Variants in NAV1 observed in about 807,000 individuals in gnomAD.
NAV1 encodes neuron navigator 1.
Under a neutral mutation model 175.2 loss-of-function variants are expected in NAV1, and 18 were observed. The observed-to-expected ratio is 0.10, with a 90% CI of 0.07 to 0.15. The LOEUF (loss-of-function observed/expected upper bound fraction) is 0.15, where lower values mean the gene tolerates loss of function less well. Ranked by LOEUF, NAV1 falls within the 10% of genes least tolerant of loss-of-function variation. NAV1 has a pLI of 1.00. For synonymous variants in NAV1, 897 were observed against 978.7 expected (o/e 0.92, Z 1.56); for missense variants, 1,731 against 2,436.6 (o/e 0.71, Z 6.10).
chr1:201,572,081 GT>G (rs1358356657), intron 1 of NAV1, among the ~76,000 whole-genome samples: 1 of 152,180 alleles, frequency 6.6e-6, no homozygotes, highest in Non-Finnish European at 1.5e-5. Context: ...ATGAGAGAGT[GT>G]TTTACTCAGG....
chr1:201,704,238 C>G (rs1480337790), intron 1 of NAV1, among the ~76,000 whole-genome samples: 3 of 152,336 alleles, frequency 2.0e-5, no homozygotes, highest in Non-Finnish European at 4.4e-5. Context: ...GTGCAGAGTC[C>G]TGGGAGGAAA....
intron 1 of NAV1, among the ~76,000 whole-genome samples, chr1:201,549,101 TTCTTTC>T (rs1191937240): frequency 3.4e-5 from 5 of 147,840 alleles, no homozygotes; most frequent in Admixed American, 2.7e-4. Context: ...CTTTCTTTCT[TTCTTTC>T]TTTCTTTCTT....
At chr1:201,719,210 A>G (rs902982295) in intron 3 of NAV1, among the ~76,000 whole-genome samples, 2 of 151,828 alleles carry the variant, frequency 1.3e-5, no homozygotes, top group African/African-American at 4.8e-5. Flanking sequence ...CTACCTAAGA[A>G]GAGAAAATGA....
At chr1:201,590,308 T>G (rs1348450089) in intron 2 of NAV1, among the ~76,000 whole-genome samples, 1 of 152,220 alleles carries the variant, frequency 6.6e-6, no homozygotes, top group Non-Finnish European at 1.5e-5. Flanking sequence ...ACCAGGGCCC[T>G]CTGATCTCAG....
intron 2 of NAV1, among the ~76,000 whole-genome samples, chr1:201,599,696 C>T (rs1267750893): frequency 1.3e-5 from 2 of 152,158 alleles, no homozygotes; most frequent in Non-Finnish European, 2.9e-5. Context: ...GGCTTCCGAG[C>T]GCCTGCTCTG....
chr1:201,697,067 CCTT>C (rs1230778945), intron 1 of NAV1, among the ~76,000 whole-genome samples: 1 of 152,216 alleles, frequency 6.6e-6, no homozygotes, highest in Non-Finnish European at 1.5e-5. Context: ...GAATTCTCTG[CCTT>C]CTTAATTGGA....
intron 1 of NAV1, among the ~76,000 whole-genome samples, chr1:201,663,143 G>A (rs983699280): frequency 2.0e-5 from 3 of 152,180 alleles, no homozygotes; most frequent in Non-Finnish European, 4.4e-5. Flanking sequence ...CCCCTGGGGC[G>A]AAGGGGAACG....
chr1:201,589,713 A>C (rs2102210257), intron 2 of NAV1, among the ~76,000 whole-genome samples: 1 of 152,218 alleles, frequency 6.6e-6, no homozygotes, highest in Non-Finnish European at 1.5e-5. Flanking sequence ...GCTTATCTCG[A>C]ACTCCTGGGC....
intron 1 of NAV1, among the ~76,000 whole-genome samples, chr1:201,572,212 A>G (rs982405227): frequency 6.6e-6 from 1 of 152,120 alleles, no homozygotes; most frequent in Non-Finnish European, 1.5e-5. Flanking sequence ...TGTGACAAGC[A>G]TGGTGGGCTT....
At chr1:201,811,466 T>G (rs1391142934) in intron 24 of NAV1, 137 bp from the exon 29 acceptor site, 1 of 998,602 alleles carries the variant, frequency 1.0e-6, no homozygotes, top group Non-Finnish European at 1.5e-6. Context: ...TGTGGTAATC[T>G]GCTGTAATCA....
chr1:201,594,898 C>T (rs1311217340), intron 2 of NAV1, among the ~76,000 whole-genome samples: 1 of 152,228 alleles, frequency 6.6e-6, no homozygotes, highest in Non-Finnish European at 1.5e-5. Flanking sequence ...AAAGGGAGCA[C>T]TGAGCAGGGA....
At chr1:201,632,087 C>T (rs1480945224) in intron 2 of NAV1, among the ~76,000 whole-genome samples, 2 of 152,098 alleles carry the variant, frequency 1.3e-5, no homozygotes, top group Non-Finnish European at 2.9e-5. Context: ...TCTCTGTCTT[C>T]CAAGCTCACT....
chr1:201,583,279 C>T (rs1411313550), intron 1 of NAV1, among the ~76,000 whole-genome samples: 2 of 152,262 alleles, frequency 1.3e-5, no homozygotes, highest in Non-Finnish European at 1.5e-5. Context: ...GGAGAGGAGA[C>T]AGCAGGGGCA....
intron 1 of NAV1, among the ~76,000 whole-genome samples, chr1:201,575,100 A>G (rs975145088): frequency 1.3e-5 from 2 of 152,268 alleles, no homozygotes; most frequent in Non-Finnish European, 2.9e-5. Flanking sequence ...GTCCTGATGC[A>G]GAGTGGAATG....
Position 201,741,605 on chromosome 1 carries a change from A to G in NAV1, c.1226+22850A>G, listed in dbSNP as rs538440261. Among the ~76,000 whole-genome samples, 8 of 152,312 alleles carry G rather than the reference A, an allele frequency of 5.3e-5. No homozygotes were observed. In the East Asian group the frequency reaches 1.4e-3, roughly 26 times the overall value. ...ACATAGGGTGTGCCCAAGGAAAATTATAATTGCCACCCAAACAATATTTGC... is the reference window on the plus strand; with the variant it reads ...ACATAGGGTGTGCCCAAGGAAAATTGTAATTGCCACCCAAACAATATTTGC... On this transcript the variant is annotated intron_variant, in intron 3 of 29. Transcript: ENST00000367296.
At chr1:201,652,902 C>T (rs376543082) in intron 1 of NAV1, among the ~76,000 whole-genome samples, 1 of 152,166 alleles carries the variant, frequency 6.6e-6, no homozygotes, top group African/African-American at 2.4e-5. Context: ...ACGTACCGAA[C>T]GTCACAGCTC....
chr1:201,555,219 A>G (rs759966873), intron 1 of NAV1, among the ~76,000 whole-genome samples: 2 of 152,164 alleles, frequency 1.3e-5, no homozygotes, highest in Admixed American at 6.5e-5. Context: ...TTTTTTGGTG[A>G]CACAATTCAA....
upstream of NAV1, among the ~76,000 whole-genome samples, chr1:201,647,900 C>A (rs531621735): frequency 6.6e-6 from 1 of 152,272 alleles, no homozygotes; most frequent in Non-Finnish European, 1.5e-5. Flanking sequence ...CTCAACAGAT[C>A]TTTATCCTGG....
chr1:201,603,712 A>C (rs1433333114), intron 2 of NAV1, among the ~76,000 whole-genome samples: 2 of 152,166 alleles, frequency 1.3e-5, no homozygotes, highest in Admixed American at 1.3e-4. Context: ...CATTTAGGAC[A>C]TCTACCGGGT....
Sources: gnomAD v4.1 joint callset for allele counts (sites outside exome capture counted in the v4.1 genomes callset) on GRCh38, gnomAD v4.1.1 for gene constraint, MANE v1.5 for transcripts, NCBI Gene and HGNC (gene_info 2026-07-23, HGNC 2026-07-21) for gene names.